Variants in CDAN1 observed in about 807,000 individuals in gnomAD.
The protein encoded by CDAN1 is codanin 1, also known as codanin-1.
CDAN1 carries 107 observed loss-of-function variants against 139.8 expected under a neutral mutation model. The ratio of observed to expected loss-of-function variants is 0.77; its 90% CI spans 0.65 to 0.90. CDAN1 has a LOEUF of 0.90. CDAN1 is among the 40% of genes least tolerant of loss of function. CDAN1 has a pLI of 0.00. For missense variants in CDAN1, 1,667 were observed against 1,575.7 expected (o/e 1.06, Z -0.98); for synonymous variants, 776 against 660.6 (o/e 1.17, Z -2.68).
In CDAN1 at chr15:42,729,251, G is replaced by A. The variant is rs769761733; in HGVS notation, c.2519C>T (p.Ser840Phe). The change falls in exon 18 of 28, where the codon TCC becomes TTC. Residue 840 changes from serine (S) to phenylalanine (F), a missense_variant. Physicochemically the swap from Ser to Phe is radical, Grantham distance 155 (BLOSUM62 -2). Transcript: ENST00000356231. ...TACCTGCAGCCCCTGGCTGGTCTGG[G>A]AAGGCTGGGCTCCCAGGCTGGTGGT... ...TTTTSLGAQP[S>F]QTSQGLQAQL... 1.4e-5 allele frequency: 22 copies of A among 1,613,712 alleles called. No homozygotes were observed. Among genetic ancestry groups the A allele is most frequent in the Non-Finnish European group, 1.8e-5 (21 of 1,179,868 alleles).
chr15:42,729,302 A>T lies in CDAN1; in HGVS notation c.2468T>A (p.Phe823Tyr). ...AGTGGTGGGGGTGATTTTCCTCATG[A>T]AGCCCCCACTCCGTCCACTACTGCC... ...VSGSSGRSGG[F>Y]MRKITPTTTT... is the part of the protein sequence containing the mutation. Residue 823 changes from phenylalanine to tyrosine, a missense_variant, in exon 18 of 28, where the codon TTC becomes TAC. Phe to Tyr is a conservative substitution (Grantham distance 22). Around this residue, in one of 3 missense-constraint regions of CDAN1, gnomAD observed 936 missense variants for 844.1 expected, o/e 1.11. Coordinates refer to ENST00000356231, the MANE Select transcript of CDAN1 (RefSeq NM_138477.4). The T allele has an allele frequency of 6.2e-7, 1 of 1,613,544 alleles. No individual in the cohort carries two copies. Among genetic ancestry groups the T allele is most frequent in the Non-Finnish European group, 8.5e-7 (1 of 1,179,898 alleles).
Position 42,737,000 on chromosome 15 carries a change from T to C in CDAN1, c.90+13A>G, listed in dbSNP as rs1280076764. The C allele has an allele frequency of 6.5e-7, 1 of 1,541,664 alleles. No homozygotes were observed. Among genetic ancestry groups the C allele is most frequent in the Admixed American group, 2.0e-5 (1 of 50,408 alleles). The stretch of plus-strand genomic sequence containing the variant: ...GCTTCGAGTCAGACCTGGGGGCGTG[T>C]CACCGCTGTTACCTCCGAACCCTGG... On this transcript the variant is annotated intron_variant, in intron 1 of 27. Transcript: ENST00000356231.
In CDAN1 at chr15:42,724,142, T is replaced by C. The variant is rs886051156; in HGVS notation, c.*349A>G. On this transcript the variant is annotated 3_prime_UTR_variant, in exon 28 of 28. Coordinates refer to ENST00000356231, the MANE Select transcript of CDAN1 (RefSeq NM_138477.4). Reference sequence around the variant, plus strand: ...TTGCCTCTGTCATGAATTCCAAGACTACAAAGTTTTAAGAGATGCTGGGAT... The same window carrying C: ...TTGCCTCTGTCATGAATTCCAAGACCACAAAGTTTTAAGAGATGCTGGGAT... 4.4e-5 allele frequency: 15 copies of C among 338,554 alleles called. No individual in the cohort carries two copies. Among genetic ancestry groups the C allele is most frequent in the Non-Finnish European group, 7.5e-5 (13 of 173,898 alleles). The allele number at this position is 338,554 out of a possible 1,614,324, so 21.0% of individuals were successfully genotyped here.
chr15:42,732,140 ATG>A (rs2061621972), intron 10 of CDAN1, among the ~76,000 whole-genome samples, 191 bp downstream of exon 10: 1 of 152,194 alleles, frequency 6.6e-6, no homozygotes, highest in African/African-American at 2.4e-5. Flanking sequence ...AGGGCCCGGG[ATG>A]TGTCAAAGAG....
chr15:42,728,569 GAAAA>G, intron 20 of CDAN1, 79 bp downstream of exon 20: 1 of 1,568,324 alleles, frequency 6.4e-7, no homozygotes, highest in Non-Finnish European at 8.8e-7. Context: ...AGAAGAAAGG[GAAAA>G]AAGAGTAAGT....
chr15:42,736,491 G>C lies in CDAN1; in HGVS notation c.380C>G (p.Pro127Arg). The C allele has an allele frequency of 7.1e-7, 1 of 1,418,254 alleles. No individual in the cohort carries two copies. Among genetic ancestry groups the C allele is most frequent in the Non-Finnish European group, 9.1e-7 (1 of 1,095,180 alleles). 87.9% of individuals were successfully genotyped at this position (1,418,254 alleles called of 1,614,324 possible). Residue 127 changes from proline (P) to arginine (R), a missense_variant, in exon 2 of 28, where the codon CCG (proline) becomes CGG (arginine). Coordinates refer to ENST00000356231, the MANE Select transcript of CDAN1 (RefSeq NM_138477.4). ...GCCGCGGCCTCCACGCTCGCGGGCC[G>C]GCCCCGGGCCCCGCCTCCTGCCCCC... ...RRGGRRRGPGPARERGGRGLE... is the reference protein window; with the variant it reads ...RRGGRRRGPGRARERGGRGLE...
intron 25 of CDAN1, 54 bp from the exon 26 acceptor site, chr15:42,725,724 G>T: frequency 6.4e-7 from 1 of 1,570,346 alleles, no homozygotes; most frequent in Non-Finnish European, 8.7e-7. Flanking sequence ...CGGGTGCGGT[G>T]ACTCACACCT....
intron 8 of CDAN1, 129 bp downstream of exon 8, chr15:42,733,809 G>A: frequency 1.4e-6 from 1 of 725,504 alleles, no homozygotes; most frequent in Non-Finnish European, 2.5e-6. Context: ...ATGGCCGGCA[G>A]GAAGGACCTG....
At position 42,729,636 on chromosome 15, in the gene CDAN1, G is replaced by T; in HGVS notation, c.2353-14C>A. The T allele has an allele frequency of 6.2e-7, 1 of 1,613,916 alleles. No homozygotes were observed. The highest frequency in any genetic ancestry group is 8.5e-7 in the Non-Finnish European group (1 of 1,179,934). On this transcript the variant is annotated splice_polypyrimidine_tract_variant and intron_variant, in intron 16 of 27. Coordinates refer to ENST00000356231, the MANE Select transcript of CDAN1 (RefSeq NM_138477.4). ...AGGCGCATTGTCCTGGGGAGAAAAG[G>T]TTGGTGTCAGCAGACTGCCCCTCCC...
At position 42,729,063 on chromosome 15, in the gene CDAN1, C is replaced by G. The variant is rs370895637; in HGVS notation, c.2605G>C (p.Val869Leu). The G allele has an allele frequency of 2.3e-5, 37 of 1,614,092 alleles. No individual in the cohort carries two copies. Among genetic ancestry groups the G allele is most frequent in the East Asian group, 4.5e-5 (2 of 44,888 alleles). ...PPSLRRTVEF[V>L]AERIGSNCVK... ...CAGTTTGATCCAATTCTTTCTGCCACGAACTCTACGGTCCGGCGCAAGGAG... is the reference window on the plus strand; with the variant it reads ...CAGTTTGATCCAATTCTTTCTGCCAGGAACTCTACGGTCCGGCGCAAGGAG... Residue 869 changes from valine to leucine, a missense_variant, in exon 19 of 28, where the codon GTG (valine) becomes CTG (leucine). Around this residue, in one of 3 missense-constraint regions of CDAN1, gnomAD observed 936 missense variants for 844.1 expected, o/e 1.11. Transcript: ENST00000356231.
rs759337775 is a variant in CDAN1 at position 42,735,651 on chromosome 15, G to A, written c.802C>T (p.Pro268Ser). 1.2e-6 allele frequency: 2 copies of A among 1,614,090 alleles called. No individual in the cohort carries two copies. The highest frequency in any genetic ancestry group is 1.7e-6 in the Non-Finnish European group (2 of 1,180,022). The change falls in exon 4 of 28, where the codon CCC (proline) becomes TCC (serine). Residue 268 changes from proline (P) to serine (S), a missense_variant. Pro to Ser is a moderately conservative substitution (Grantham distance 74). Transcript: ENST00000356231. ...CCCAATTCTGGGGTGGGACAGGTGG[G>A]GGTAGGTGACTGCTGCAGCTGCTTA... ...RSKQLQQSPT[P>S]TCPTPELGSP...
In CDAN1 at chr15:42,736,595, AC is replaced by A; in HGVS notation, c.275del (p.Gly92ValfsTer90). Reference sequence around the variant, plus strand: ...AAAGCTGGCTGCGCGCCCCGCGGCTACCCCGCGGCGGGCCTCCCGGCCTCCC... The same window carrying A: ...AAAGCTGGCTGCGCGCCCCGCGGCTACCCGCGGCGGGCCTCCCGGCCTCCC... ...LPGRPGGPPR[G>X]SRGARSQLFP... On this transcript the variant is annotated frameshift_variant, in exon 2 of 28. Transcript: ENST00000356231. LOFTEE classifies it high-confidence loss of function. The A allele has an allele frequency of 6.7e-7, 1 of 1,498,568 alleles. No individual in the cohort carries two copies. The allele number at this position is 1,498,568 out of a possible 1,614,324, so 92.8% of individuals were successfully genotyped here. A position where few individuals can be genotyped will look rare whatever the true frequency, so the allele number is the denominator to read the frequency against.
chr15:42,728,375 A>G, intron 20 of CDAN1, 108 bp from the exon 21 acceptor site: 1 of 1,312,186 alleles, frequency 7.6e-7, no homozygotes, highest in Non-Finnish European at 1.1e-6. Context: ...GTACCTTGGA[A>G]GGAGGCACCG....
At chr15:42,728,862 G>C (rs1239091515) in intron 19 of CDAN1, 52 bp from the exon 20 acceptor site, 2 of 1,611,976 alleles carry the variant, frequency 1.2e-6, no homozygotes, top group Non-Finnish European at 1.7e-6. Flanking sequence ...ATCGGAAAGA[G>C]GCTGAAAATT....
chr15:42,733,059 A>G lies in CDAN1; in HGVS notation c.1457+38T>C, dbSNP rs200998825. 6 of 1,582,642 alleles carry G rather than the reference A, an allele frequency of 3.8e-6. No individual in the cohort carries two copies. The African/African-American group carries it at 5.4e-5, about 14-fold the overall frequency. ...CCACCGAGCAAGCACTGAGCTACTC[A>G]TTGCCAGGAACAAGAAAGACAAGGT... On this transcript the variant is annotated intron_variant, in intron 9 of 27. Coordinates refer to ENST00000356231, the MANE Select transcript of CDAN1 (RefSeq NM_138477.4).
Position 42,724,440 on chromosome 15 carries a change from CG to C in CDAN1, c.*50del, listed in dbSNP as rs1316965699. The C allele has an allele frequency of 6.4e-7, 1 of 1,558,540 alleles. No individual in the cohort carries two copies. The highest frequency in any genetic ancestry group is 8.7e-7 in the Non-Finnish European group (1 of 1,151,610). On this transcript the variant is annotated 3_prime_UTR_variant, in exon 28 of 28. Coordinates refer to ENST00000356231, the MANE Select transcript of CDAN1 (RefSeq NM_138477.4). ...TGGGCACTTGGGCCTCCTCGTGAGG[CG>C]GGGGTCCAGGGTTCTGGTGCAATGC... is the stretch of plus-strand genomic sequence containing the variant.
intron 1 of CDAN1, 57 bp downstream of exon 1, chr15:42,736,956 G>A: frequency 6.6e-7 from 1 of 1,507,656 alleles, no homozygotes. Flanking sequence ...TGGAGGGCTG[G>A]ACTCCACTGC....
chr15:42,734,189 G>A (rs1258840062), intron 7 of CDAN1, 37 bp downstream of exon 7: 3 of 1,614,014 alleles, frequency 1.9e-6, no homozygotes, highest in Non-Finnish European at 2.5e-6. Flanking sequence ...GGAAGGGTTA[G>A]GTCCAGGCTA....
intron 27 of CDAN1, chr15:42,724,919 A>G (rs567049551): frequency 2.1e-5 from 13 of 627,788 alleles, no homozygotes; most frequent in African/African-American, 9.2e-5. Context: ...AAAAACCCAT[A>G]TAATGGGCTG....
Sources: gnomAD v4.1 joint callset for allele counts (sites outside exome capture counted in the v4.1 genomes callset) on GRCh38, gnomAD v4.1.1 for gene constraint, gnomAD v4.1.1 regional missense constraint, MANE v1.5 for transcripts, NCBI Gene and HGNC (gene_info 2026-07-23, HGNC 2026-07-21) for gene names.